Variants in GRM8 observed in about 807,000 individuals in gnomAD.
GRM8 encodes the protein glutamate metabotropic receptor 8.
In GRM8, 47 loss-of-function variants were observed where a neutral mutation model predicts 87.2. The observed-to-expected ratio is 0.54, with a 90% CI of 0.43 to 0.69. GRM8 has a LOEUF of 0.69. GRM8 is among the 30% of genes least tolerant of loss of function. GRM8 has a pLI of 0.00. For synonymous variants in GRM8, 396 were observed against 404.5 expected (o/e 0.98, Z 0.25); for missense variants, 1,019 against 1,139.2 (o/e 0.89, Z 1.52).
At chr7:126,604,053 A>G (rs1798098161) in intron 8 of GRM8, among the ~76,000 whole-genome samples, 1 of 151,968 alleles carries the variant, frequency 6.6e-6, no homozygotes, top group Non-Finnish European at 1.5e-5. Flanking sequence ...AAATGGGGAG[A>G]CTCAGGAATT....
At chr7:126,443,882 T>C (rs987126955) in intron 10 of GRM8, among the ~76,000 whole-genome samples, 1 of 151,944 alleles carries the variant, frequency 6.6e-6, no homozygotes, top group African/African-American at 2.4e-5. Context: ...TAATATGAGA[T>C]TGGTTCTTAT....
intron 2 of GRM8, among the ~76,000 whole-genome samples, chr7:127,142,389 A>G (rs1401434961): frequency 1.3e-5 from 2 of 152,158 alleles, no homozygotes; most frequent in East Asian, 1.9e-4. Flanking sequence ...TGTGACAGCA[A>G]GAAAGAGAAG....
At chr7:127,024,856 C>T (rs1037837630) in intron 3 of GRM8, among the ~76,000 whole-genome samples, 3 of 152,052 alleles carry the variant, frequency 2.0e-5, no homozygotes, top group African/African-American at 7.2e-5. Context: ...CCACACCCTA[C>T]CTAGAAAAGC....
chr7:126,736,480 T>G (rs1814241117), intron 7 of GRM8, among the ~76,000 whole-genome samples: 1 of 151,996 alleles, frequency 6.6e-6, no homozygotes, highest in African/African-American at 2.4e-5. Context: ...ATTAATTACC[T>G]TGGTAATTAA....
At chr7:127,069,372 C>T (rs1201602212) in intron 3 of GRM8, among the ~76,000 whole-genome samples, 1 of 152,128 alleles carries the variant, frequency 6.6e-6, no homozygotes, top group African/African-American at 2.4e-5. Flanking sequence ...CCATGTTGGC[C>T]AGGCTGGTCT....
intron 2 of GRM8, among the ~76,000 whole-genome samples, chr7:127,121,720 G>A (rs1421263486): frequency 6.6e-6 from 1 of 152,130 alleles, no homozygotes; most frequent in East Asian, 1.9e-4. Context: ...TGCACGCAAA[G>A]GGGGAAGTGC....
chr7:127,251,727 C>G (rs944085448), intron 1 of GRM8, among the ~76,000 whole-genome samples: 31 of 151,378 alleles, frequency 2.0e-4, no homozygotes, highest in Non-Finnish European at 4.0e-4. Flanking sequence ...CGGGGCCGCC[C>G]GAAACTGGGG....
chr7:127,032,548 C>G (rs1172919503), intron 3 of GRM8, among the ~76,000 whole-genome samples: 2 of 152,048 alleles, frequency 1.3e-5, no homozygotes, highest in African/African-American at 2.4e-5. Flanking sequence ...AAATTGAAGC[C>G]CTGTACTTTG....
At chr7:126,837,100 G>T (rs1003663216) in intron 6 of GRM8, among the ~76,000 whole-genome samples, 2 of 151,666 alleles carry the variant, frequency 1.3e-5, no homozygotes, top group African/African-American at 4.8e-5. Context: ...ATGAACCAAA[G>T]AACTTTTAAA....
intron 2 of GRM8, among the ~76,000 whole-genome samples, chr7:127,227,841 A>G (rs1374973202): frequency 2.0e-5 from 3 of 152,176 alleles, no homozygotes; most frequent in African/African-American, 2.4e-5. Context: ...GGGAAGATAC[A>G]TGGGGTCACA....
At chr7:126,513,438 CT>C (rs1487050741) in intron 9 of GRM8, among the ~76,000 whole-genome samples, 2 of 152,112 alleles carry the variant, frequency 1.3e-5, no homozygotes, top group African/African-American at 4.8e-5. Context: ...ATCACTGGCT[CT>C]ACCTAATGTT....
chr7:127,121,505 G>C (rs958163611), intron 2 of GRM8, among the ~76,000 whole-genome samples: 2 of 152,096 alleles, frequency 1.3e-5, no homozygotes, highest in Non-Finnish European at 2.9e-5. Flanking sequence ...CATCTCCGTG[G>C]TTATCTCCTC....
intron 9 of GRM8, among the ~76,000 whole-genome samples, chr7:126,476,232 C>T (rs1710191579): frequency 6.6e-6 from 1 of 152,032 alleles, no homozygotes; most frequent in African/African-American, 2.4e-5. Context: ...GGCTGGGCAA[C>T]ATAGCAATAC....
At chr7:126,472,428 G>A (rs1444736854) in intron 9 of GRM8, among the ~76,000 whole-genome samples, 1 of 152,076 alleles carries the variant, frequency 6.6e-6, no homozygotes, top group Non-Finnish European at 1.5e-5. Context: ...GGCCTTTTCT[G>A]CATCTAAGAA....
intron 3 of GRM8, among the ~76,000 whole-genome samples, chr7:126,978,403 G>A (rs1154326): frequency 0.73 from 110,471 of 152,084 alleles, 40,284 homozygotes; most frequent in East Asian, 0.96. Flanking sequence ...AGAATTCCTC[G>A]AAGTACTTGA....
chr7:127,175,210 CA>C (rs1307687089), intron 2 of GRM8, among the ~76,000 whole-genome samples: 1 of 152,086 alleles, frequency 6.6e-6, no homozygotes, highest in African/African-American at 2.4e-5. Flanking sequence ...TGCTAGAGAT[CA>C]AACACTAACA....
chr7:126,928,871 G>A (rs1805432963), intron 3 of GRM8, among the ~76,000 whole-genome samples: 1 of 151,840 alleles, frequency 6.6e-6, no homozygotes, highest in African/African-American at 2.4e-5. Context: ...ACACTTTTAG[G>A]GAAAAAAAAA....
chr7:126,961,411 C>T (rs1038924518), intron 3 of GRM8, among the ~76,000 whole-genome samples: 1 of 152,162 alleles, frequency 6.6e-6, no homozygotes, highest in African/African-American at 2.4e-5. Flanking sequence ...TCTCTTATAC[C>T]ATCACCGTGT....
chr7:127,203,980 T>C (rs1013385637), intron 2 of GRM8, among the ~76,000 whole-genome samples: 1 of 152,184 alleles, frequency 6.6e-6, no homozygotes, highest in African/African-American at 2.4e-5. Context: ...TAAGGACAGG[T>C]CAAATTGAAA....
Sources: allele counts gnomAD v4.1 joint callset (sites outside exome capture counted in the v4.1 genomes callset), GRCh38; gene constraint gnomAD v4.1.1; transcripts MANE v1.5; gene names NCBI Gene and HGNC (gene_info 2026-07-23, HGNC 2026-07-21).